The following GNG7 variants were observed in gnomAD, a reference collection of about 807,000 sequenced individuals.
GNG7 encodes G protein subunit gamma 7, also known as guanine nucleotide-binding protein G(I)/G(S)/G(O) subunit gamma-7.
A neutral mutation model predicts 4.0 loss-of-function variants in GNG7; 1 was observed. The ratio of observed to expected loss-of-function variants is 0.25; its 90% CI spans 0.09 to 1.18. GNG7 has a LOEUF of 1.18. GNG7 is among the 50% of genes most tolerant of loss of function. The probability of loss-of-function intolerance (pLI) is 0.50; values close to 1 mark genes in which losing one functional copy is unlikely to be tolerated. For missense variants in GNG7, 86 were observed against 91.9 expected, an observed-to-expected ratio of 0.94 and a Z score of 0.26; for synonymous variants, 34 against 36.9, an observed-to-expected ratio of 0.92 and a Z score of 0.29.
At chr19:2,623,737 C>T (rs1368808938) in intron 2 of GNG7, among the ~76,000 whole-genome samples, 2 of 152,072 alleles carry the variant, frequency 1.3e-5, no homozygotes, top group Non-Finnish European at 2.9e-5. Context: ...AAAAATTAGC[C>T]GGGCATAGTG....
rs35982775 is a variant in GNG7, at chr19:2,618,342, G to GGTGTGTGT, written c.-78+27874_-78+27881dup. 9.8e-3 allele frequency among the ~76,000 whole-genome samples: 1,435 copies of GGTGTGTGT among 146,492 alleles called. 12 individuals carry two copies. Among genetic ancestry groups the GGTGTGTGT allele is most frequent in the Non-Finnish European group, 0.011 (718 of 66,092 alleles). On this transcript the variant is annotated intron_variant, in intron 2 of 4. Coordinates refer to ENST00000382159, the MANE Select transcript of GNG7 (RefSeq NM_052847.3). The surrounding 1 kb of genome is among the most constrained non-coding windows in gnomAD (Gnocchi z 5.1). The stretch of plus-strand genomic sequence containing the variant: ...TTCTCTTTTCTACCTGTATGTGTGT[G>GGTGTGTGT]GTGTGTGTGTGTGTGTGTGTGTGTG...
chr19:2,531,274 A>G (rs1978573506), intron 3 of GNG7, among the ~76,000 whole-genome samples: 1 of 135,478 alleles, frequency 7.4e-6, no homozygotes, highest in South Asian at 2.4e-4. Flanking sequence ...ACTGTATTCC[A>G]GCTTTGGCAG....
chr19:2,604,062 G>T (rs1184780543), intron 2 of GNG7, among the ~76,000 whole-genome samples: 1 of 151,952 alleles, frequency 6.6e-6, no homozygotes, highest in African/African-American at 2.4e-5. Flanking sequence ...GTGTTAGCCA[G>T]GATGGTATCG....
intron 2 of GNG7, among the ~76,000 whole-genome samples, chr19:2,625,932 C>T (rs57861869): frequency 0.031 from 4,763 of 152,162 alleles, 211 homozygotes; most frequent in African/African-American, 0.098. Context: ...GGATTACAGG[C>T]GCCCACCACC....
rs370424640 is a variant in GNG7 at position 2,550,975 on chromosome 19, T to A, written c.-38+4174A>T. Among the ~76,000 whole-genome samples the A allele has an allele frequency of 5.7e-4, 87 of 152,302 alleles. 2 individuals are homozygous for A. The South Asian group carries it at 0.017, about 30-fold the overall frequency. ...CCAGGGCCCGACGAGAGCTGCCTGA[T>A]GTCATTGCTGGAGCCTCTTGTCATC... On this transcript the variant is annotated intron_variant, in intron 3 of 4. Coordinates refer to ENST00000382159, the MANE Select transcript of GNG7 (RefSeq NM_052847.3).
intron 3 of GNG7, among the ~76,000 whole-genome samples, chr19:2,553,057 A>C (rs968768498): frequency 1.3e-5 from 2 of 151,712 alleles, no homozygotes; most frequent in African/African-American, 4.8e-5. Context: ...CGACGAAACC[A>C]AAAGTTGGTT....
intron 1 of GNG7, among the ~76,000 whole-genome samples, chr19:2,655,397 CAAAAGAT>C (rs1228624832): frequency 5.3e-5 from 8 of 151,908 alleles, no homozygotes; most frequent in African/African-American, 9.7e-5. Context: ...GGCTATGATC[CAAAAGAT>C]AAAAGATAAA....
intron 2 of GNG7, among the ~76,000 whole-genome samples, chr19:2,621,840 T>A (rs1456358719): frequency 6.6e-6 from 1 of 151,938 alleles, no homozygotes; most frequent in Non-Finnish European, 1.5e-5. Flanking sequence ...CGCGGAAGGA[T>A]CCTCTCCTGT....
chr19:2,531,559 CAGG>C (rs1237987125), intron 3 of GNG7, among the ~76,000 whole-genome samples: 1 of 151,742 alleles, frequency 6.6e-6, no homozygotes, highest in African/African-American at 2.4e-5. Flanking sequence ...CTCACGAGGT[CAGG>C]AGATCAAGAC....
chr19:2,550,818 G>C (rs79944480), intron 3 of GNG7, among the ~76,000 whole-genome samples: 1 of 152,328 alleles, frequency 6.6e-6, no homozygotes, highest in East Asian at 1.9e-4. Flanking sequence ...AAAGGAATTG[G>C]AGCAGTGGAC....
intron 2 of GNG7, among the ~76,000 whole-genome samples, chr19:2,590,014 G>T (rs1350923102): frequency 1.3e-5 from 2 of 152,148 alleles, no homozygotes; most frequent in African/African-American, 4.8e-5. Context: ...GTTTCACCCT[G>T]TTGGCCAGGC....
chr19:2,605,650 A>G (rs1229515593), intron 2 of GNG7, among the ~76,000 whole-genome samples: 2 of 149,820 alleles, frequency 1.3e-5, no homozygotes, highest in Admixed American at 6.7e-5. Flanking sequence ...AGTAGCTGGG[A>G]TTACAGGCAT....
chr19:2,554,555 A>T (rs1979487764), intron 3 of GNG7, among the ~76,000 whole-genome samples: 1 of 56,972 alleles, frequency 1.8e-5, no homozygotes, highest in Non-Finnish European at 3.4e-5. Flanking sequence ...ATATATATAT[A>T]TATATTTTTT....
chr19:2,651,174 C>T (rs1424010382), intron 1 of GNG7, among the ~76,000 whole-genome samples: 1 of 152,156 alleles, frequency 6.6e-6, no homozygotes, highest in Non-Finnish European at 1.5e-5. Flanking sequence ...CCACCGCCTC[C>T]CGGCCCTCCC....
At chr19:2,589,320 T>G (rs1214958177) in intron 2 of GNG7, among the ~76,000 whole-genome samples, 3 of 151,196 alleles carry the variant, frequency 2.0e-5, no homozygotes, top group Admixed American at 6.6e-5. Flanking sequence ...CCTCCTGGGT[T>G]CAAGTGATTC....
chr19:2,643,726 C>A lies in GNG7; in HGVS notation c.-78+2498G>T, dbSNP rs532379507. 6.0e-5 allele frequency: 26 copies of A among 436,740 alleles called. 2 individuals are homozygous for A. Among genetic ancestry groups the A allele is most frequent in the South Asian group, 2.3e-4 (14 of 61,052 alleles). 27.1% of individuals were successfully genotyped at this position (436,740 alleles called of 1,614,324 possible). A position where few individuals can be genotyped will look rare whatever the true frequency, so the allele number is the denominator to read the frequency against. ...CTTCACTGGGGTGCAGTTACACACC[C>A]TGCGATGCACACTGGGCACGCTAAT... On this transcript the variant is annotated intron_variant, in intron 2 of 4. Transcript: ENST00000382159.
rs1341996910 is a variant in GNG7, at chr19:2,655,488, A to G, written c.-134-9208T>C. Among the ~76,000 whole-genome samples the G allele has an allele frequency of 4.0e-5, 6 of 151,674 alleles. 1 individual carries two copies. Among genetic ancestry groups the G allele is most frequent in the Non-Finnish European group, 8.8e-5 (6 of 67,910 alleles). ...AGCACTTTGGGAGGATGAGGCAGGC[A>G]GATCACGAGTTCGAGACCAGCCTGG... On this transcript the variant is annotated intron_variant, in intron 1 of 4. Coordinates refer to ENST00000382159, the MANE Select transcript of GNG7 (RefSeq NM_052847.3).
intron 2 of GNG7, among the ~76,000 whole-genome samples, chr19:2,621,178 T>C (rs915704203): frequency 1.3e-5 from 2 of 152,142 alleles, no homozygotes; most frequent in Admixed American, 1.3e-4. Context: ...AAAATTCTTG[T>C]CCACGGGGAA....
intron 2 of GNG7, among the ~76,000 whole-genome samples, chr19:2,598,244 C>T (rs542879174): frequency 1.8e-4 from 27 of 152,292 alleles, no homozygotes; most frequent in Middle Eastern, 3.4e-3. Flanking sequence ...AGTGGGCGGC[C>T]GGGCGCGGTG....
Sources: gnomAD v4.1 joint callset for allele counts (sites outside exome capture counted in the v4.1 genomes callset) on GRCh38, gnomAD v4.1.1 for gene constraint, Gnocchi (gnomAD v3.1) non-coding constraint, MANE v1.5 for transcripts, NCBI Gene and HGNC (gene_info 2026-07-23, HGNC 2026-07-21) for gene names.